The following CADPS2 variants were observed in gnomAD, a reference collection of about 807,000 sequenced individuals.
CADPS2 encodes calcium dependent secretion activator 2.
CADPS2 carries 93 observed loss-of-function variants against 172.5 expected under a neutral mutation model. That is an observed-to-expected ratio of 0.54 (90% CI 0.46 to 0.64). The LOEUF (loss-of-function observed/expected upper bound fraction) is 0.64, where lower values mean the gene tolerates loss of function less well. CADPS2 is among the 30% of genes least tolerant of loss of function. The pLI is 0.00. For synonymous variants in CADPS2, 546 were observed against 555.2 expected (o/e 0.98, Z 0.23); for missense variants, 1,420 against 1,565.9 (o/e 0.91, Z 1.57).
At chr7:122,554,391 G>A (rs2064747283) in intron 8 of CADPS2, among the ~76,000 whole-genome samples, 159 bp downstream of exon 8, 5 of 152,004 alleles carry the variant, frequency 3.3e-5, no homozygotes, top group Admixed American at 2.6e-4. Flanking sequence ...AGCCGTCTAT[G>A]GGTATAAAAA....
chr7:122,851,066 T>C (rs1222071153), intron 1 of CADPS2, among the ~76,000 whole-genome samples: 1 of 152,184 alleles, frequency 6.6e-6, no homozygotes, highest in Non-Finnish European at 1.5e-5. Context: ...CTGTAATGAG[T>C]TATAATTACT....
chr7:122,843,947 G>A lies in CADPS2; in HGVS notation c.339+42052C>T, dbSNP rs1046225257. Reference sequence around the variant, plus strand: ...CAACAAAAAGGGAAGCAAAGAATTCGAGATGAGTACCTATTGAGGCTGAAA... The same window carrying A: ...CAACAAAAAGGGAAGCAAAGAATTCAAGATGAGTACCTATTGAGGCTGAAA... On this transcript the variant is annotated intron_variant, in intron 1 of 29. Transcript: ENST00000449022. Among the ~76,000 whole-genome samples the A allele has an allele frequency of 5.9e-5, 9 of 152,194 alleles. No homozygotes were observed. In the East Asian group the frequency reaches 7.7e-4, roughly 13 times the overall value.
At chr7:122,824,346 C>G (rs1804257846) in intron 1 of CADPS2, among the ~76,000 whole-genome samples, 1 of 152,142 alleles carries the variant, frequency 6.6e-6, no homozygotes, top group African/African-American at 2.4e-5. Context: ...CCATTACCGC[C>G]AACACAACTC....
intron 27 of CADPS2, among the ~76,000 whole-genome samples, chr7:122,355,235 A>G (rs2039228273): frequency 6.6e-6 from 1 of 152,188 alleles, no homozygotes; most frequent in African/African-American, 2.4e-5. Context: ...TAGGAATGCC[A>G]CTTAACTTCA....
At chr7:122,600,766 T>A (rs1034119423) in intron 6 of CADPS2, among the ~76,000 whole-genome samples, 1 of 152,050 alleles carries the variant, frequency 6.6e-6, no homozygotes, top group South Asian at 2.1e-4. Flanking sequence ...TTTCGTTTAA[T>A]AAAGAACTAA....
At chr7:122,476,259 A>G (rs763220183) in intron 12 of CADPS2, among the ~76,000 whole-genome samples, 1 of 152,016 alleles carries the variant, frequency 6.6e-6, no homozygotes, top group Non-Finnish European at 1.5e-5. Context: ...TTCACCAGAG[A>G]AGGTTACAAC....
chr7:122,537,290 AAAAC>A (rs887050849), intron 8 of CADPS2, among the ~76,000 whole-genome samples: 2 of 151,928 alleles, frequency 1.3e-5, no homozygotes, highest in East Asian at 1.9e-4. Flanking sequence ...AAGCAAAAAA[AAAAC>A]AAACAAACAA....
intron 14 of CADPS2, among the ~76,000 whole-genome samples, chr7:122,454,093 T>G (rs1408133379): frequency 2.0e-5 from 3 of 152,212 alleles, no homozygotes; most frequent in African/African-American, 2.4e-5. Context: ...TAGTCAACTC[T>G]AAAGGCAACA....
At chr7:122,610,964 G>A (rs2133775099) in intron 6 of CADPS2, among the ~76,000 whole-genome samples, 1 of 152,184 alleles carries the variant, frequency 6.6e-6, no homozygotes, top group Non-Finnish European at 1.5e-5. Context: ...TTCTTCCATT[G>A]ACTCTATTTA....
intron 6 of CADPS2, among the ~76,000 whole-genome samples, chr7:122,597,099 T>C (rs2071928705): frequency 6.6e-6 from 1 of 152,080 alleles, no homozygotes; most frequent in African/African-American, 2.4e-5. Context: ...AAGCCATTCA[T>C]GAGGGATCTG....
At chr7:122,701,428 C>T (rs183114321) in intron 2 of CADPS2, among the ~76,000 whole-genome samples, 353 of 151,730 alleles carry the variant, frequency 2.3e-3, no homozygotes, top group African/African-American at 7.4e-3. Flanking sequence ...CGTCACACAC[C>T]GGGGCCTGTT....
At chr7:122,328,730 A>G (rs2034388057) in intron 28 of CADPS2, among the ~76,000 whole-genome samples, 1 of 152,162 alleles carries the variant, frequency 6.6e-6, no homozygotes, top group South Asian at 2.1e-4. Context: ...GCAAAAATAG[A>G]AGAAAGGGAA....
chr7:122,657,020 T>C (rs1436373256), intron 3 of CADPS2, among the ~76,000 whole-genome samples: 2 of 152,222 alleles, frequency 1.3e-5, no homozygotes, highest in Non-Finnish European at 2.9e-5. Context: ...TTCAGCTTTC[T>C]ACATATGGCT....
intron 2 of CADPS2, among the ~76,000 whole-genome samples, chr7:122,667,737 ACAAGGGACCCATGTTTT>A (rs1394075496): frequency 2.6e-5 from 4 of 152,176 alleles, no homozygotes; most frequent in Non-Finnish European, 5.9e-5. Context: ...CAGGGCAGAG[ACAAGGGACCCATGTTTT>A]GAATAACCCA....
chr7:122,513,268 C>A lies in CADPS2; in HGVS notation c.1523G>T (p.Arg508Leu). 6.4e-7 allele frequency: 1 copy of A among 1,561,984 alleles called. No individual in the cohort carries two copies. Among genetic ancestry groups the A allele is most frequent in the Non-Finnish European group, 8.7e-7 (1 of 1,151,708 alleles). ...ACTAACCTGAACTAGAACAAAGTAA[C>A]GTTTTTTCCATCTTTTCCAAACCTT... ...GQKVWKRWKK[R>L]YFVLVQVSQY... Residue 508 changes from arginine to leucine, a missense_variant, in exon 9 of 30, where the codon CGT (arginine) becomes CTT (leucine). Arg to Leu is a moderately radical substitution (Grantham distance 102). Coordinates refer to ENST00000449022, the MANE Select transcript of CADPS2 (RefSeq NM_017954.11).
At chr7:122,498,471 A>G (rs879498881) in intron 9 of CADPS2, among the ~76,000 whole-genome samples, 1 of 152,110 alleles carries the variant, frequency 6.6e-6, no homozygotes, top group Non-Finnish European at 1.5e-5. Context: ...TTCAAATCCT[A>G]TCAGAAATAA....
chr7:122,469,627 T>A (rs1175087248), intron 14 of CADPS2, among the ~76,000 whole-genome samples: 1 of 152,128 alleles, frequency 6.6e-6, no homozygotes, highest in African/African-American at 2.4e-5. Context: ...AGTGAAAACC[T>A]GAATAGACTG....
chr7:122,509,148 G>A (rs1006598249), intron 9 of CADPS2, among the ~76,000 whole-genome samples: 1 of 152,148 alleles, frequency 6.6e-6, no homozygotes. Flanking sequence ...TCATTCTCAA[G>A]TGAGTGAGAG....
intron 1 of CADPS2, among the ~76,000 whole-genome samples, chr7:122,804,988 G>A (rs1798472533): frequency 6.6e-6 from 1 of 152,088 alleles, no homozygotes; most frequent in Non-Finnish European, 1.5e-5. Context: ...AGAGAACTCT[G>A]TTATACTCAT....
Sources: gnomAD v4.1 joint callset for allele counts (sites outside exome capture counted in the v4.1 genomes callset) on GRCh38, gnomAD v4.1.1 for gene constraint, MANE v1.5 for transcripts, NCBI Gene and HGNC (gene_info 2026-07-23, HGNC 2026-07-21) for gene names.